ABCA13: variants seen among roughly 807,000 people sequenced by gnomAD.
ABCA13 encodes ATP binding cassette subfamily A member 13.
A neutral mutation model predicts 478.7 loss-of-function variants in ABCA13; 476 were observed. The ratio of observed to expected loss-of-function variants is 0.99; its 90% CI spans 0.92 to 1.07. The LOEUF (loss-of-function observed/expected upper bound fraction) is 1.07. ABCA13 is among the 50% of genes least tolerant of loss of function. ABCA13 has a pLI of 0.00. For missense variants in ABCA13, 6,060 were observed against 5,910.6 expected (o/e 1.03, Z -0.83); for synonymous variants, 2,252 against 2,158.9 (o/e 1.04, Z -1.20).
At chr7:48,543,555 C>T (rs1221971871) in intron 55 of ABCA13, among the ~76,000 whole-genome samples, 3 of 151,150 alleles carry the variant, frequency 2.0e-5, no homozygotes, top group African/African-American at 7.3e-5. Flanking sequence ...ACCCAGGAGT[C>T]GGAGGTTGCA....
intron 10 of ABCA13, among the ~76,000 whole-genome samples, chr7:48,243,529 T>C (rs1791193603): frequency 6.6e-6 from 1 of 152,196 alleles, no homozygotes; most frequent in Non-Finnish European, 1.5e-5. Context: ...CTCCGCCTTG[T>C]AGGGTGATGA....
At chr7:48,296,168 T>G (rs1799337393) in intron 21 of ABCA13, among the ~76,000 whole-genome samples, 1 of 152,120 alleles carries the variant, frequency 6.6e-6, no homozygotes, top group African/African-American at 2.4e-5. Flanking sequence ...TGTGGGAGAA[T>G]CGCTTGAGGC....
At chr7:48,172,359 T>C (rs1794195266) in intron 1 of ABCA13, among the ~76,000 whole-genome samples, 1 of 152,228 alleles carries the variant, frequency 6.6e-6, no homozygotes, top group Admixed American at 6.5e-5. Context: ...ATTCAGTAAT[T>C]GACATTGAAT....
intron 27 of ABCA13, among the ~76,000 whole-genome samples, chr7:48,333,062 C>T (rs1301104459): frequency 1.3e-5 from 2 of 152,178 alleles, no homozygotes; most frequent in East Asian, 1.9e-4. Flanking sequence ...CTTTCAGAGA[C>T]TCTAATGACA....
chr7:48,560,384 T>C (rs58433353), intron 55 of ABCA13, among the ~76,000 whole-genome samples: 21,068 of 152,108 alleles, frequency 0.14, 1,826 homozygotes, highest in African/African-American at 0.23. Flanking sequence ...ACCATACAGC[T>C]GCTGCAGGGG....
chr7:48,416,636 T>G (rs1368655), intron 41 of ABCA13, among the ~76,000 whole-genome samples: 75,869 of 151,760 alleles, frequency 0.5, 19,395 homozygotes, highest in East Asian at 0.63. Context: ...CCTGGGAGGA[T>G]CCCCAGTCGG....
Position 48,504,462 on chromosome 7 carries a change from G to C in ABCA13, c.13292-1874G>C, listed in dbSNP as rs553170641. Among the ~76,000 whole-genome samples the C allele has an allele frequency of 2.6e-4, 39 of 152,268 alleles. 1 individual carries two copies. In the South Asian group the frequency reaches 7.7e-3, roughly 30 times the overall value. On this transcript the variant is annotated intron_variant, in intron 48 of 61. Coordinates refer to ENST00000435803, the MANE Select transcript of ABCA13 (RefSeq NM_152701.5). Reference sequence around the variant, plus strand: ...TAACTTCTTGGATGTGTGGGGTGAAGAAGAGCAGGGAGATGGGGAGGGCTT... The same window carrying C: ...TAACTTCTTGGATGTGTGGGGTGAACAAGAGCAGGGAGATGGGGAGGGCTT...
intron 3 of ABCA13, among the ~76,000 whole-genome samples, chr7:48,214,527 A>G (rs1382583248): frequency 2.6e-5 from 4 of 152,234 alleles, no homozygotes; most frequent in African/African-American, 7.2e-5. Flanking sequence ...TTTCATCTGC[A>G]TTGAAAATCT....
chr7:48,247,900 C>CTTCT (rs1451257920), intron 13 of ABCA13, among the ~76,000 whole-genome samples: 1 of 152,110 alleles, frequency 6.6e-6, no homozygotes, highest in African/African-American at 2.4e-5. Flanking sequence ...AGATCTCAGC[C>CTTCT]TAGAGGAATT....
At chr7:48,358,291 C>T (rs1177841290) in intron 31 of ABCA13, among the ~76,000 whole-genome samples, 1 of 132,628 alleles carries the variant, frequency 7.5e-6, no homozygotes, top group Non-Finnish European at 1.5e-5. Flanking sequence ...GGCATGTTTT[C>T]TTATATCCTA....
At chr7:48,397,170 T>C (rs1165990039) in intron 38 of ABCA13, among the ~76,000 whole-genome samples, 3 of 152,192 alleles carry the variant, frequency 2.0e-5, no homozygotes, top group Admixed American at 2.0e-4. Flanking sequence ...CTTGTATTGA[T>C]CAATTCTTTG....
intron 55 of ABCA13, among the ~76,000 whole-genome samples, chr7:48,559,693 T>C (rs1345503366): frequency 6.6e-6 from 1 of 152,208 alleles, no homozygotes; most frequent in Non-Finnish European, 1.5e-5. Context: ...CATGGCATAT[T>C]ACCTGGGTAT....
In ABCA13 at chr7:48,427,798, G is replaced by T. The variant is rs554022736; in HGVS notation, c.12492G>T (p.Lys4164Asn). Residue 4164 changes from lysine (K) to asparagine (N), a missense_variant, in exon 42 of 62, where the codon AAG becomes AAT. Physicochemically the swap from Lys to Asn is moderately conservative, Grantham distance 94. Transcript: ENST00000435803. ...TGATGCTTTTGCAAGATTCCAACAA[G>T]AAATCTCACATTGCCCTGGGGACTG... ...VFLMLLQDSN[K>N]KSHIALGTES... 62 of 1,609,994 alleles carry T rather than the reference G, an allele frequency of 3.9e-5. No individual in the cohort carries two copies. In the South Asian group the frequency reaches 6.1e-4, roughly 16 times the overall value.
At chr7:48,214,883 T>G (rs1786211957) in intron 3 of ABCA13, among the ~76,000 whole-genome samples, 1 of 152,254 alleles carries the variant, frequency 6.6e-6, no homozygotes, top group Non-Finnish European at 1.5e-5. Flanking sequence ...ACTTTTCATT[T>G]TCTTTAAGAA....
chr7:48,310,356 C>T (rs1801587763), intron 24 of ABCA13, among the ~76,000 whole-genome samples: 1 of 152,158 alleles, frequency 6.6e-6, no homozygotes, highest in Non-Finnish European at 1.5e-5. Flanking sequence ...GGAGACCCTT[C>T]AGGGGGTCCT....
intron 35 of ABCA13, among the ~76,000 whole-genome samples, chr7:48,386,999 C>G (rs1358685067): frequency 1.3e-5 from 2 of 152,092 alleles, no homozygotes; most frequent in Non-Finnish European, 2.9e-5. Flanking sequence ...CCTTTACTTT[C>G]AAAAGGTAAT....
chr7:48,357,470 C>T (rs1810113673), intron 31 of ABCA13, among the ~76,000 whole-genome samples: 1 of 151,948 alleles, frequency 6.6e-6, no homozygotes, highest in Non-Finnish European at 1.5e-5. Context: ...TTAAATTTTA[C>T]AATTCTTCAC....
chr7:48,196,001 G>A (rs1025457489), intron 2 of ABCA13, among the ~76,000 whole-genome samples: 1 of 152,158 alleles, frequency 6.6e-6, no homozygotes, highest in Non-Finnish European at 1.5e-5. Context: ...CAGGTGTACT[G>A]TGCAGGAGAA....
intron 55 of ABCA13, among the ~76,000 whole-genome samples, chr7:48,548,548 AT>A (rs35317081): frequency 0.01 from 1,463 of 144,606 alleles, 22 homozygotes; most frequent in African/African-American, 0.027. Flanking sequence ...CATGTAACAC[AT>A]TTTTTTTTTT....
Sources: allele counts gnomAD v4.1 joint callset (sites outside exome capture counted in the v4.1 genomes callset), GRCh38; gene constraint gnomAD v4.1.1; transcripts MANE v1.5; gene names NCBI Gene and HGNC (gene_info 2026-07-23, HGNC 2026-07-21).